Variants in NOTCH2NLC observed in about 807,000 individuals in gnomAD.
NOTCH2NLC encodes notch homolog 2 N-terminal-like protein C.
Under a neutral mutation model 17.7 loss-of-function variants are expected in NOTCH2NLC, and 4 were observed. That is an observed-to-expected ratio of 0.23 (90% CI 0.11 to 0.52). The LOEUF is 0.52. Among genes scored for constraint, NOTCH2NLC ranks in the 20% least tolerant of loss-of-function variants. The probability of loss-of-function intolerance (pLI) is 0.96; values close to 1 mark genes in which losing one functional copy is unlikely to be tolerated. For missense variants in NOTCH2NLC, 57 were observed against 207.2 expected, an observed-to-expected ratio of 0.28 and a Z score of 4.45; for synonymous variants, 18 against 86.0, an observed-to-expected ratio of 0.21 and a Z score of 4.38.
intron 3 of NOTCH2NLC, among the ~76,000 whole-genome samples, chr1:149,460,500 G>A (rs1343114399): frequency 6.7e-6 from 1 of 148,508 alleles, no homozygotes; most frequent in African/African-American, 2.5e-5. Context: ...CGCCATGCCC[G>A]GCTAATTTTT....
At chr1:149,405,310 A>G (rs2084262448) in intron 1 of NOTCH2NLC, among the ~76,000 whole-genome samples, 1 of 143,512 alleles carries the variant, frequency 7.0e-6, no homozygotes, top group Non-Finnish European at 1.5e-5. Flanking sequence ...AGTGAACAAA[A>G]CAGATGAATG....
At position 149,471,328 on chromosome 1, in the gene NOTCH2NLC, T is replaced by C. The variant is rs1476228770; in HGVS notation, c.*7175T>C. Among the ~76,000 whole-genome samples the C allele has an allele frequency of 0.029, 4,360 of 149,434 alleles. 325 individuals are homozygous for C. Among genetic ancestry groups the C allele is most frequent in the East Asian group, 0.23 (1,154 of 4,932 alleles). ...TTCAGCCCAAATGTTTTTAACTTGA[T>C]GGAATACAATTTATTTTTTCTTTTG... On this transcript the variant is annotated 3_prime_UTR_variant, in exon 5 of 5. Coordinates refer to ENST00000650865, the MANE Select transcript of NOTCH2NLC (RefSeq NM_001364013.2).
chr1:149,418,930 T>C (rs2084361340), intron 1 of NOTCH2NLC, among the ~76,000 whole-genome samples: 2 of 151,102 alleles, frequency 1.3e-5, no homozygotes, highest in Admixed American at 1.3e-4. Context: ...CTCGCTCGCT[T>C]GCTCTTTCTC....
At position 149,390,726 on chromosome 1, in the gene NOTCH2NLC, G is replaced by T. The variant is rs1195219820; in HGVS notation, c.-62G>T. On this transcript the variant is annotated 5_prime_UTR_variant, in exon 1 of 5. Coordinates refer to ENST00000650865, the MANE Select transcript of NOTCH2NLC (RefSeq NM_001364013.2). ...GCTTCGGACCGTAGCGCCAGGGCCT[G>T]AGCCTTTGAAGCAGGAGGAGGGGAG... 1 of 1,252,310 alleles carries T rather than the reference G, an allele frequency of 8.0e-7. No homozygotes were observed. Among genetic ancestry groups the T allele is most frequent in the South Asian group, 2.2e-5 (1 of 45,010 alleles). The allele number at this position is 1,252,310 out of a possible 1,614,324, so 77.6% of individuals were successfully genotyped here. A position where few individuals can be genotyped will look rare whatever the true frequency, so the allele number is the denominator to read the frequency against.
At position 149,428,865 on chromosome 1, in the gene NOTCH2NLC, A is replaced by T. The variant is rs1283070846; in HGVS notation, c.136-2077A>T. Among the ~76,000 whole-genome samples, 521 of 150,664 alleles carry T rather than the reference A, an allele frequency of 3.5e-3. 9 individuals are homozygous for T. Among genetic ancestry groups the T allele is most frequent in the African/African-American group, 0.012 (500 of 41,210 alleles). On this transcript the variant is annotated intron_variant, in intron 1 of 4. Transcript: ENST00000650865. Reference sequence around the variant, plus strand: ...TGTGCCTACAGGGCATTCCTTTCCTACTGTGACGGTTTTATTTATTTATTA... The same window carrying T: ...TGTGCCTACAGGGCATTCCTTTCCTTCTGTGACGGTTTTATTTATTTATTA...
chr1:149,423,442 G>A (rs1438193641), intron 1 of NOTCH2NLC, among the ~76,000 whole-genome samples: 10 of 150,578 alleles, frequency 6.6e-5, no homozygotes, highest in African/African-American at 2.4e-4. Context: ...GAAATTGCAG[G>A]GCGCTATGAG....
At chr1:149,414,889 TAA>T (rs1247476508) in intron 1 of NOTCH2NLC, among the ~76,000 whole-genome samples, 1 of 141,018 alleles carries the variant, frequency 7.1e-6, no homozygotes, top group African/African-American at 2.6e-5. Context: ...AATTTTCAAT[TAA>T]AAAACTGTAT....
intron 1 of NOTCH2NLC, among the ~76,000 whole-genome samples, chr1:149,398,183 C>G (rs1425320754): frequency 6.6e-6 from 1 of 151,124 alleles, no homozygotes; most frequent in Non-Finnish European, 1.5e-5. Flanking sequence ...TGTCTGCTGT[C>G]GTGAGCTGTC....
At chr1:149,445,813 G>A (rs1363164358) in intron 2 of NOTCH2NLC, among the ~76,000 whole-genome samples, 1 of 142,288 alleles carries the variant, frequency 7.0e-6, no homozygotes, top group Non-Finnish European at 1.5e-5. Context: ...TAGCTGTTTT[G>A]TAAAGCATGC....
At position 149,433,581 on chromosome 1, in the gene NOTCH2NLC, G is replaced by A. The variant is rs1449941470; in HGVS notation, c.209+2566G>A. 1.3e-4 allele frequency among the ~76,000 whole-genome samples: 19 copies of A among 145,652 alleles called. 1 individual carries two copies. In the East Asian group the frequency reaches 2.7e-3, roughly 21 times the overall value. On this transcript the variant is annotated intron_variant, in intron 2 of 4. Transcript: ENST00000650865. Reference sequence around the variant, plus strand: ...AATTTCAAATATGTTCTAAGTGTTCGCCTATATATTTTTGGTCTGACATGG... The same window carrying A: ...AATTTCAAATATGTTCTAAGTGTTCACCTATATATTTTTGGTCTGACATGG...
chr1:149,393,748 CTT>C (rs1325133856), intron 1 of NOTCH2NLC, among the ~76,000 whole-genome samples: 2 of 129,588 alleles, frequency 1.5e-5, no homozygotes. Context: ...CTTATTATTC[CTT>C]TTTTTTTTGG....
chr1:149,393,748 C>T, intron 1 of NOTCH2NLC, among the ~76,000 whole-genome samples: 1 of 129,636 alleles, frequency 7.7e-6, no homozygotes, highest in East Asian at 2.6e-4. Flanking sequence ...CTTATTATTC[C>T]TTTTTTTTTT....
At chr1:149,448,550 T>C (rs2084567964) in intron 2 of NOTCH2NLC, among the ~76,000 whole-genome samples, 2 of 144,500 alleles carry the variant, frequency 1.4e-5, no homozygotes, top group South Asian at 4.5e-4. Context: ...TAGTATTTTG[T>C]GGCTTCTAAA....
chr1:149,390,892 C>T lies in NOTCH2NLC; in HGVS notation c.105C>T (p.Arg35=), dbSNP rs1176379985. ...PAPLCCGRCW[R]SGCAARPPRM... ...CGCTCTGCTGTGGGCGCTGCTGGCG[C>T]TCTGGCTGTGCTGCGCGACCCCCGC... Residue 35 remains arginine, a synonymous_variant, in exon 1 of 5, where the codon CGC becomes CGT. Transcript: ENST00000650865. The T allele has an allele frequency of 1.4e-6, 2 of 1,451,356 alleles. No individual in the cohort carries two copies. The highest frequency in any genetic ancestry group is 1.3e-5 in the South Asian group (1 of 75,934). 89.9% of individuals were successfully genotyped at this position (1,451,356 alleles called of 1,614,324 possible). A position where few individuals can be genotyped will look rare whatever the true frequency, so the allele number is the denominator to read the frequency against.
At position 149,419,694 on chromosome 1, in the gene NOTCH2NLC, T is replaced by A. The variant is rs1461990516; in HGVS notation, c.136-11248T>A. On this transcript the variant is annotated intron_variant, in intron 1 of 4. Coordinates refer to ENST00000650865, the MANE Select transcript of NOTCH2NLC (RefSeq NM_001364013.2). Reference sequence around the variant, plus strand: ...GGAACTGATTTGGACATTGAGATTATCAGCTCCTCATCAAATATCATTAAG... The same window carrying A: ...GGAACTGATTTGGACATTGAGATTAACAGCTCCTCATCAAATATCATTAAG... 2.7e-5 allele frequency among the ~76,000 whole-genome samples: 4 copies of A among 150,130 alleles called. 1 individual carries two copies. The South Asian group carries it at 8.5e-4, about 32-fold the overall frequency.
chr1:149,441,001 T>A lies in NOTCH2NLC; in HGVS notation c.209+9986T>A, dbSNP rs1314484728. Among the ~76,000 whole-genome samples, 14 of 150,810 alleles carry A rather than the reference T, an allele frequency of 9.3e-5. 1 individual carries two copies. Among genetic ancestry groups the A allele is most frequent in the Non-Finnish European group, 1.9e-4 (13 of 67,506 alleles). ...GCAATTGTGCTCCTTCCCTCAGACCTTTTTGGCCTTGACTCTTGATTCTTA... is the reference window on the plus strand; with the variant it reads ...GCAATTGTGCTCCTTCCCTCAGACCATTTTGGCCTTGACTCTTGATTCTTA... On this transcript the variant is annotated intron_variant, in intron 2 of 4. Transcript: ENST00000650865.
intron 1 of NOTCH2NLC, among the ~76,000 whole-genome samples, chr1:149,424,915 G>A (rs2084404597): frequency 6.6e-6 from 1 of 151,242 alleles, no homozygotes; most frequent in Admixed American, 6.6e-5. Context: ...ATTACTGTGG[G>A]TGGGCACCAA....
rs1393526014 is a variant in NOTCH2NLC at position 149,410,523 on chromosome 1, TTTTAATATCTGGTTATC to T, written c.135+19621_135+19637del. Among the ~76,000 whole-genome samples the T allele has an allele frequency of 2.0e-4, 27 of 136,456 alleles. 1 individual carries two copies. In the South Asian group the frequency reaches 6.2e-3, roughly 31 times the overall value. The allele number at this position is 136,456 out of a possible 152,430, so 89.5% of individuals were successfully genotyped here. A position where few individuals can be genotyped will look rare whatever the true frequency, so the allele number is the denominator to read the frequency against. On this transcript the variant is annotated intron_variant, in intron 1 of 4. Transcript: ENST00000650865. ...CACATTACAAACCTTAACTTTGGAGTTTTAATATCTGGTTATCTTTAATATCTGGTTATCTTCTTTCT... is the reference window on the plus strand; with the variant it reads ...CACATTACAAACCTTAACTTTGGAGTTTTAATATCTGGTTATCTTCTTTCT...
chr1:149,434,032 ATACAG>A (rs2084469368), intron 2 of NOTCH2NLC, among the ~76,000 whole-genome samples: 2 of 142,096 alleles, frequency 1.4e-5, no homozygotes, highest in Non-Finnish European at 3.1e-5. Context: ...ATGCTTATGG[ATACAG>A]TTCTGGGTAT....
Sources: gnomAD v4.1 joint callset for allele counts (sites outside exome capture counted in the v4.1 genomes callset) on GRCh38, gnomAD v4.1.1 for gene constraint, MANE v1.5 for transcripts, NCBI Gene and HGNC (gene_info 2026-07-23, HGNC 2026-07-21) for gene names.